Variants in SLC6A13 observed in about 807,000 individuals in gnomAD.
SLC6A13 encodes the protein solute carrier family 6 member 13.
Under a neutral mutation model 72.9 loss-of-function variants are expected in SLC6A13, and 69 were observed. The observed-to-expected ratio is 0.95, with a 90% confidence interval of 0.78 to 1.16. SLC6A13 has a LOEUF of 1.16. Ranked by LOEUF, SLC6A13 falls within the 50% of genes most tolerant of loss-of-function variation. The pLI is 0.00. For missense variants in SLC6A13, 735 were observed against 760.5 expected (o/e 0.97, Z 0.39); for synonymous variants, 303 against 303.0 (o/e 1.00, Z 0.00).
rs1234098554 is a variant in SLC6A13, at chr12:220,966, C to T, written c.1791G>A (p.Glu597=). 9 of 1,612,838 alleles carry T rather than the reference C, an allele frequency of 5.6e-6. No homozygotes were observed. The highest frequency in any genetic ancestry group is 7.6e-6 in the Non-Finnish European group (9 of 1,179,958). The stretch of plus-strand genomic sequence containing the variant: ...CTGCCCCCTAGCAGTGAGACTCTAG[C>T]TCTGTGAGTCTGAGCAGTGAGGTCC... ...TPRTSLLRLT[E]LESHC is the part of the protein sequence containing the mutation. The change falls in exon 15 of 15, where the codon GAG becomes GAA. Residue 597 remains glutamate, a synonymous_variant. Coordinates refer to ENST00000343164, the MANE Select transcript of SLC6A13 (RefSeq NM_016615.5).
At chr12:221,591 T>C (rs1236559165) in intron 13 of SLC6A13, 45 bp from the exon 14 acceptor site, 2 of 1,321,874 alleles carry the variant, frequency 1.5e-6, no homozygotes, top group Non-Finnish European at 2.1e-6. Flanking sequence ...GGCGGGGGCC[T>C]TGTGCCCTCA....
At chr12:227,453 A>T in intron 8 of SLC6A13, 112 bp downstream of exon 8, 1 of 1,538,686 alleles carries the variant, frequency 6.5e-7, no homozygotes, top group Non-Finnish European at 8.8e-7. Flanking sequence ...GGGTGTAGAC[A>T]GGGGGGCAGA....
Position 221,097 on chromosome 12 carries a change from A to G in SLC6A13, c.1687-27T>C, listed in dbSNP as rs143777529. On this transcript the variant is annotated intron_variant, in intron 14 of 14. Coordinates refer to ENST00000343164, the MANE Select transcript of SLC6A13 (RefSeq NM_016615.5). ...TGCGGGGATAGCAGAGGTGGCTGTC[A>G]GGTGGTGGAGCGGGGGCAGGTCTGC... The G allele has an allele frequency of 2.3e-3, 3,594 of 1,564,796 alleles. 48 individuals are homozygous for G. The African/African-American group carries it at 0.032, about 14-fold the overall frequency.
chr12:245,759 C>T (rs1318333452), intron 2 of SLC6A13, among the ~76,000 whole-genome samples: 1 of 151,900 alleles, frequency 6.6e-6, no homozygotes, highest in East Asian at 1.9e-4. Flanking sequence ...CCAAGGCAGG[C>T]AGATCACGAG....
chr12:226,375 C>T lies in SLC6A13; in HGVS notation c.1060+15G>A, dbSNP rs577334588. On this transcript the variant is annotated intron_variant, in intron 9 of 14. Transcript: ENST00000343164. Reference sequence around the variant, plus strand: ...ACCAGGCTCACTGCCTCCAGGCCTCCCCAGTAACACTCACCTGACTCGGCC... The same window carrying T: ...ACCAGGCTCACTGCCTCCAGGCCTCTCCAGTAACACTCACCTGACTCGGCC... 177 of 1,613,566 alleles carry T rather than the reference C, an allele frequency of 1.1e-4. 4 individuals are homozygous for T. The South Asian group carries it at 1.7e-3, about 15-fold the overall frequency.
chr12:239,679 G>A (rs1942094243), intron 4 of SLC6A13, among the ~76,000 whole-genome samples: 1 of 152,106 alleles, frequency 6.6e-6, no homozygotes, highest in Non-Finnish European at 1.5e-5. Flanking sequence ...CAGGAGGGTG[G>A]GGTCTTTGTT....
At chr12:252,204 T>G (rs79711863) in intron 2 of SLC6A13, among the ~76,000 whole-genome samples, 2,692 of 152,284 alleles carry the variant, frequency 0.018, 105 homozygotes, top group South Asian at 0.16. Context: ...AAACGCAAAC[T>G]AAGGTATGGT....
At chr12:233,076 G>A (rs1368676458) in intron 7 of SLC6A13, among the ~76,000 whole-genome samples, 1 of 152,230 alleles carries the variant, frequency 6.6e-6, no homozygotes, top group African/African-American at 2.4e-5. Flanking sequence ...TCTTCCACGT[G>A]CTGGGAGCCA....
chr12:255,477 C>T (rs1942708045), intron 2 of SLC6A13, among the ~76,000 whole-genome samples: 1 of 152,212 alleles, frequency 6.6e-6, no homozygotes, highest in Non-Finnish European at 1.5e-5. Context: ...GGGCAGATCA[C>T]CTGAAGTCAG....
At position 223,181 on chromosome 12, in the gene SLC6A13, G is replaced by A; in HGVS notation, c.1365C>T (p.Cys455=). Reference sequence around the variant, plus strand: ...ACTCGAAGATGGCCACGAACAGGAGGCACATGCCACTGGCCGCATAGTAGT... The same window carrying A: ...ACTCGAAGATGGCCACGAACAGGAGACACATGCCACTGGCCGCATAGTAGT... ...LFDYYAASGM[C]LLFVAIFESL... is the part of the protein sequence containing the mutation. The change falls in exon 12 of 15, where the codon TGC becomes TGT. Residue 455 remains cysteine (C), a synonymous_variant. Coordinates refer to ENST00000343164, the MANE Select transcript of SLC6A13 (RefSeq NM_016615.5). The A allele has an allele frequency of 6.2e-7, 1 of 1,613,860 alleles. No homozygotes were observed. The highest frequency in any genetic ancestry group is 2.2e-5 in the East Asian group (1 of 44,872).
At chr12:235,434 T>C (rs1415162056) in intron 6 of SLC6A13, among the ~76,000 whole-genome samples, 6 of 152,222 alleles carry the variant, frequency 3.9e-5, no homozygotes, top group Admixed American at 2.6e-4. Flanking sequence ...CAGAGGAACA[T>C]TAATTGTGAA....
At chr12:260,148 A>G (rs932857934) in intron 1 of SLC6A13, 91 bp from the exon 2 acceptor site, 3 of 1,359,982 alleles carry the variant, frequency 2.2e-6, no homozygotes, top group Non-Finnish European at 3.1e-6. Flanking sequence ...TAAGGGAATG[A>G]ATGCACTGGA....
At chr12:258,406 G>A (rs900409713) in intron 2 of SLC6A13, among the ~76,000 whole-genome samples, 4 of 152,172 alleles carry the variant, frequency 2.6e-5, no homozygotes, top group South Asian at 2.1e-4. Context: ...AGCTGGATGC[G>A]TTCGGCAGCT....
chr12:249,729 T>C (rs954165922), intron 2 of SLC6A13, among the ~76,000 whole-genome samples: 2 of 152,096 alleles, frequency 1.3e-5, no homozygotes, highest in African/African-American at 4.8e-5. Context: ...ATTGAAAAGA[T>C]GGAATGCTTA....
chr12:222,726 G>A, intron 12 of SLC6A13, 94 bp from the exon 13 acceptor site: 3 of 727,584 alleles, frequency 4.1e-6, no homozygotes. Flanking sequence ...GAATGGGCAG[G>A]GACCCATAAA....
In SLC6A13 at chr12:226,714, C is replaced by T. The variant is rs1329830729; in HGVS notation, c.936-200G>A. 6.3e-5 allele frequency: 34 copies of T among 541,148 alleles called. No individual in the cohort carries two copies. The Admixed American group carries it at 1.1e-3, about 17-fold the overall frequency. The allele number at this position is 541,148 out of a possible 1,614,324, so 33.5% of individuals were successfully genotyped here. A position where few individuals can be genotyped will look rare whatever the true frequency, so the allele number is the denominator to read the frequency against. On this transcript the variant is annotated intron_variant, in intron 8 of 14. Coordinates refer to ENST00000343164, the MANE Select transcript of SLC6A13 (RefSeq NM_016615.5). Reference sequence around the variant, plus strand: ...CTCCTCCGACACTCCTCGGCCCCACCAGCCCAGGGACGGAATAAATCAAGG... The same window carrying T: ...CTCCTCCGACACTCCTCGGCCCCACTAGCCCAGGGACGGAATAAATCAAGG...
Position 227,550 on chromosome 12 carries a change from C to T in SLC6A13, c.935+15G>A. The T allele has an allele frequency of 6.2e-7, 1 of 1,613,604 alleles. No homozygotes were observed. The highest frequency in any genetic ancestry group is 8.5e-7 in the Non-Finnish European group (1 of 1,179,850). On this transcript the variant is annotated intron_variant, in intron 8 of 14. Coordinates refer to ENST00000343164, the MANE Select transcript of SLC6A13 (RefSeq NM_016615.5). ...AGATGCAGGTGTGTGGCTCAGGCCCCACGCCCCCAATCACCTGTAGCAGTT... is the reference window on the plus strand; with the variant it reads ...AGATGCAGGTGTGTGGCTCAGGCCCTACGCCCCCAATCACCTGTAGCAGTT...
intron 2 of SLC6A13, among the ~76,000 whole-genome samples, chr12:250,833 C>CAAAAAAAAAAAAAA (rs71045051): frequency 4.8e-5 from 4 of 82,602 alleles, no homozygotes; most frequent in African/African-American, 9.9e-5. Context: ...AATAGCCCCC[C>CAAAAAAAAAAAAAA]AAAAAAAAAA....
At chr12:221,328 G>T in intron 14 of SLC6A13, 48 bp downstream of exon 14, 1 of 1,523,914 alleles carries the variant, frequency 6.6e-7, no homozygotes, top group East Asian at 2.4e-5. Context: ...CGGCACCTGC[G>T]AAGCCTCCCA....
Sources: allele counts gnomAD v4.1 joint callset (sites outside exome capture counted in the v4.1 genomes callset), GRCh38; gene constraint gnomAD v4.1.1; transcripts MANE v1.5; gene names NCBI Gene and HGNC (gene_info 2026-07-23, HGNC 2026-07-21).